SF1: variants seen among roughly 807,000 people sequenced by gnomAD.
SF1 encodes the protein branch point-binding protein.
SF1 carries 7 observed loss-of-function variants against 62.5 expected under a neutral mutation model. That is an observed-to-expected ratio of 0.11 (90% CI 0.06 to 0.21). SF1 has a LOEUF of 0.21. Ranked by LOEUF, SF1 falls within the 10% of genes least tolerant of loss-of-function variation. The pLI, the probability that SF1 is intolerant of heterozygous loss-of-function variation, is 1.00. For synonymous variants in SF1, 394 were observed against 323.6 expected (o/e 1.22, Z -2.33); for missense variants, 578 against 884.0 (o/e 0.65, Z 4.39).
rs372388097 is a variant in SF1 at position 64,765,529 on chromosome 11, G to A, written c.*289C>T. 5.1e-4 allele frequency: 812 copies of A among 1,604,568 alleles called. 6 individuals are homozygous for A. Among genetic ancestry groups the A allele is most frequent in the South Asian group, 4.0e-3 (356 of 89,734 alleles). On this transcript the variant is annotated 3_prime_UTR_variant, in exon 13 of 13. Coordinates refer to ENST00000377390, the MANE Select transcript of SF1 (RefSeq NM_004630.4). ...CCGCGGGGAGGGATCCTGGCGGCCC[G>A]GTTTGGGGAGAGGCAAAGGGAGTTG...
intron 1 of SF1, chr11:64,778,125 G>C: frequency 1.2e-6 from 1 of 851,544 alleles, no homozygotes; most frequent in Non-Finnish European, 1.4e-6. Context: ...CCGGGGGACG[G>C]TGGCGGTGGA....
chr11:64,773,013 T>C, intron 3 of SF1: 1 of 1,005,674 alleles, frequency 9.9e-7, no homozygotes, highest in Non-Finnish European at 1.2e-6. Flanking sequence ...GCTCCTGGCT[T>C]GCTCAAGTTC....
In SF1 at chr11:64,769,990, G is replaced by A. The variant is rs771955058; in HGVS notation, c.453C>T (p.Asn151=). The change falls in exon 5 of 13, where the codon AAC becomes AAT. Residue 151 remains asparagine, a synonymous_variant. Coordinates refer to ENST00000377390, the MANE Select transcript of SF1 (RefSeq NM_004630.4). ...TGGGCCCGATGAGCAGCCCCACAAA[G>A]TTGATTTCTGGGTACTCATCTTGTG... is the stretch of plus-strand genomic sequence containing the variant. The part of the protein sequence containing the change: ...MIPQDEYPEI[N]FVGLLIGPRG... 6.8e-5 allele frequency: 110 copies of A among 1,613,680 alleles called. No homozygotes were observed. The highest frequency in any genetic ancestry group is 1.6e-4 in the Middle Eastern group (1 of 6,082).
At chr11:64,777,394 G>T in intron 1 of SF1, 1 of 588,002 alleles carries the variant, frequency 1.7e-6, no homozygotes, top group Non-Finnish European at 2.1e-6. Flanking sequence ...ATCAGACTGA[G>T]ATCTAAACAT....
intron 12 of SF1, 49 bp from the exon 13 acceptor site, chr11:64,766,204 G>C: frequency 2.0e-6 from 3 of 1,485,750 alleles, no homozygotes; most frequent in Non-Finnish European, 2.8e-6. Flanking sequence ...GCACACCGCG[G>C]CTGTCTGCGG....
chr11:64,766,857 C>G, intron 12 of SF1, 43 bp downstream of exon 12: 3 of 616,070 alleles, frequency 4.9e-6, no homozygotes, highest in Non-Finnish European at 8.5e-6. Context: ...TCAGCCCCAC[C>G]CCCATCCCAC....
At chr11:64,777,279 C>T (rs1939441499) in intron 1 of SF1, among the ~76,000 whole-genome samples, 1 of 152,186 alleles carries the variant, frequency 6.6e-6, no homozygotes, top group Admixed American at 6.5e-5. Context: ...TTTCCCCGTA[C>T]ATAGGCAGAA....
rs1208025867 is a variant in SF1 at position 64,778,181 on chromosome 11, GGCGGAGGCA to G, written c.31+172_31+180del. 8.1e-6 allele frequency: 8 copies of G among 981,980 alleles called. No homozygotes were observed. The African/African-American group carries it at 8.7e-5, about 11-fold the overall frequency. The allele number at this position is 981,980 out of a possible 1,614,324, so 60.8% of individuals were successfully genotyped here. ...AGGCGGAGGGGGCGGCGGCGGAGGCGGCGGAGGCAGCGCCGCGAAGGGGAAGGCCGCGGT... is the reference window on the plus strand; with the variant it reads ...AGGCGGAGGGGGCGGCGGCGGAGGCGGCGCCGCGAAGGGGAAGGCCGCGGT... On this transcript the variant is annotated intron_variant, in intron 1 of 12. Coordinates refer to ENST00000377390, the MANE Select transcript of SF1 (RefSeq NM_004630.4).
chr11:64,768,633 C>A (rs1409871113), intron 8 of SF1, among the ~76,000 whole-genome samples: 1 of 152,232 alleles, frequency 6.6e-6, no homozygotes, highest in South Asian at 2.1e-4. Context: ...ACTGCCAGAA[C>A]GAACTTCCTA....
intron 3 of SF1, chr11:64,772,021 C>T (rs1435581502): frequency 1.0e-6 from 1 of 985,282 alleles, no homozygotes; most frequent in Admixed American, 6.1e-5. Context: ...GTTACAAAAA[C>T]AAGTCTTACC....
intron 1 of SF1, 108 bp from the exon 2 acceptor site, chr11:64,776,734 G>C (rs886736496): frequency 1.9e-6 from 2 of 1,058,734 alleles, no homozygotes; most frequent in African/African-American, 1.7e-5. Flanking sequence ...GTGAAGCTGA[G>C]AGCTTAACCT....
intron 2 of SF1, among the ~76,000 whole-genome samples, chr11:64,775,891 A>G (rs1327455584): frequency 1.3e-5 from 2 of 152,230 alleles, no homozygotes; most frequent in East Asian, 3.8e-4. Context: ...GAGTTCTTTA[A>G]AAGTAAATAC....
chr11:64,775,502 A>G (rs1485576938), intron 2 of SF1, among the ~76,000 whole-genome samples: 3 of 152,214 alleles, frequency 2.0e-5, no homozygotes, highest in Non-Finnish European at 4.4e-5. Context: ...GGAGACAGAC[A>G]ATTCCAACGC....
intron 2 of SF1, 156 bp downstream of exon 2, chr11:64,776,342 C>A: frequency 1.3e-6 from 1 of 748,886 alleles, no homozygotes; most frequent in South Asian, 1.5e-5. Context: ...AAATGCAGAA[C>A]TCACTGGGCA....
At position 64,776,630 on chromosome 11, in the gene SF1, A is replaced by G. The variant is rs375238806; in HGVS notation, c.32-4T>C. On this transcript the variant is annotated splice_region_variant and splice_polypyrimidine_tract_variant and intron_variant, in intron 1 of 12. Transcript: ENST00000377390. The stretch of plus-strand genomic sequence containing the variant: ...TTCCGCTTCTTACTTGGGAAGTCTA[A>G]AAGGCAGAGACAAAATCCATCCGAT... 2 of 1,604,142 alleles carry G rather than the reference A, an allele frequency of 1.2e-6. No homozygotes were observed. The highest frequency in any genetic ancestry group is 2.2e-5 in the East Asian group (1 of 44,708).
At chr11:64,776,423 T>C (rs1457712615) in intron 2 of SF1, 75 bp downstream of exon 2, 4 of 1,494,902 alleles carry the variant, frequency 2.7e-6, no homozygotes, top group South Asian at 1.2e-5. Context: ...TCTCAAACTT[T>C]CAAAAAATGC....
chr11:64,772,561 A>G, intron 3 of SF1: 1 of 985,354 alleles, frequency 1.0e-6, no homozygotes, highest in Non-Finnish European at 1.2e-6. Context: ...CAAAAACCAA[A>G]AACACTACTT....
At position 64,773,441 on chromosome 11, in the gene SF1, G is replaced by A. The variant is rs1424148782; in HGVS notation, c.225C>T (p.Asn75=). The change falls in exon 3 of 13, where the codon AAC becomes AAT. Residue 75 remains asparagine (N), a synonymous_variant. Coordinates refer to ENST00000377390, the MANE Select transcript of SF1 (RefSeq NM_004630.4). ...AACTGTTTCCCAACCTGTCCTCAGG[G>A]TTAGGGGGGATGCCCAGGTCTCCTG... The part of the protein sequence containing the change: ...LRTGDLGIPP[N]PEDRSPSPEP... 6.2e-7 allele frequency: 1 copy of A among 1,613,702 alleles called. No individual in the cohort carries two copies.
intron 3 of SF1, chr11:64,772,734 C>T: frequency 2.0e-6 from 2 of 985,222 alleles, no homozygotes; most frequent in South Asian, 4.7e-5. Flanking sequence ...ATTTATTTTT[C>T]TGAGGTGAGA....
Sources: allele counts gnomAD v4.1 joint callset (sites outside exome capture counted in the v4.1 genomes callset), GRCh38; gene constraint gnomAD v4.1.1; transcripts MANE v1.5; gene names NCBI Gene and HGNC (gene_info 2026-07-23, HGNC 2026-07-21).